ZNF433: variants seen among roughly 807,000 people sequenced by gnomAD.
ZNF433 encodes the protein zinc finger protein 433.
ZNF433 carries 12 observed loss-of-function variants against 10.6 expected under a neutral mutation model. That is an observed-to-expected ratio of 1.13 (90% CI 0.72 to 1.83). The LOEUF is 1.83. Ranked by LOEUF, ZNF433 falls within the 40% of genes most tolerant of loss-of-function variation. The pLI, the probability that ZNF433 is intolerant of heterozygous loss-of-function variation, is 0.00. For missense variants in ZNF433, 737 were observed against 798.0 expected (o/e 0.92, Z 0.92); for synonymous variants, 272 against 271.3 (o/e 1.00, Z -0.02).
chr19:12,018,923 GC>G (rs1231810335), intron 1 of ZNF433, among the ~76,000 whole-genome samples: 1 of 151,314 alleles, frequency 6.6e-6, no homozygotes, highest in African/African-American at 2.4e-5. Context: ...GGTGGTGCGT[GC>G]CTGTAATCCC....
chr19:12,018,003 A>G (rs1005967744), intron 2 of ZNF433, 67 bp from the exon 3 acceptor site: 2 of 1,333,106 alleles, frequency 1.5e-6, no homozygotes, highest in African/African-American at 1.5e-5. Context: ...ACATGATTCT[A>G]TGTTCATGGT....
At chr19:12,032,798 T>C (rs548612040) in intron 1 of ZNF433, among the ~76,000 whole-genome samples, 1 of 152,290 alleles carries the variant, frequency 6.6e-6, no homozygotes, top group African/African-American at 2.4e-5. Flanking sequence ...TTCTGAAATC[T>C]ACCTCTTTCT....
chr19:12,033,049 C>T (rs897507177), intron 1 of ZNF433, among the ~76,000 whole-genome samples: 14 of 151,896 alleles, frequency 9.2e-5, no homozygotes, highest in African/African-American at 3.4e-4. Flanking sequence ...TATTTTCCAA[C>T]AACACTGCAC....
At position 12,016,100 on chromosome 19, in the gene ZNF433, C is replaced by T. The variant is rs752164594; in HGVS notation, c.758G>A (p.Cys253Tyr). Residue 253 changes from cysteine (C) to tyrosine (Y), a missense_variant, in exon 4 of 4, where the codon TGT becomes TAT. By Grantham distance (194) the Cys-to-Tyr change is radical (BLOSUM62 -2). Coordinates refer to ENST00000550507, the MANE Select transcript of ZNF433 (RefSeq NM_001308348.2). Reference sequence around the variant, plus strand: ...ATGGAATGCTTTCCCACATTCATTACATTTATAAGGCTTCTCCCCAGTGTG... The same window carrying T: ...ATGGAATGCTTTCCCACATTCATTATATTTATAAGGCTTCTCCCCAGTGTG... ...RTHTGEKPYK[C>Y]NECGKAFHSS... 1.2e-6 allele frequency: 2 copies of T among 1,614,150 alleles called. No individual in the cohort carries two copies. Among genetic ancestry groups the T allele is most frequent in the South Asian group, 1.1e-5 (1 of 91,074 alleles).
chr19:12,023,387 G>C (rs1974588364), intron 1 of ZNF433: 4 of 152,198 alleles, frequency 2.6e-5, no homozygotes, highest in Non-Finnish European at 4.4e-5. Context: ...AATTGTTATA[G>C]CTACTTCTGT....
Position 12,015,390 on chromosome 19 carries a change from A to G in ZNF433, c.1468T>C (p.Phe490Leu), listed in dbSNP as rs995401997. The G allele has an allele frequency of 2.5e-6, 4 of 1,614,018 alleles. No homozygotes were observed. The African/African-American group carries it at 4.0e-5, about 16-fold the overall frequency. ...YGKTFSLPSL[F>L]HRHERTHTGG... Reference sequence around the variant, plus strand: ...GTGTGAGTCCTTTCATGTCTATGAAATAAACTGGGCAAACTGAATGTTTTC... The same window carrying G: ...GTGTGAGTCCTTTCATGTCTATGAAGTAAACTGGGCAAACTGAATGTTTTC... Residue 490 changes from phenylalanine to leucine, a missense_variant, in exon 4 of 4, where the codon TTT becomes CTT. Coordinates refer to ENST00000550507, the MANE Select transcript of ZNF433 (RefSeq NM_001308348.2).
At chr19:12,018,114 A>G in intron 2 of ZNF433, 52 bp downstream of exon 2, 3 of 1,526,828 alleles carry the variant, frequency 2.0e-6, no homozygotes, top group South Asian at 2.7e-5. Context: ...CTCAGAAAAA[A>G]AAAAAAACTT....
At position 12,014,908 on chromosome 19, in the gene ZNF433, T is replaced by TAAATG; in HGVS notation, c.1949_1950insCATTT (p.Lys650AsnfsTer3). 1 of 1,613,646 alleles carries TAAATG rather than the reference T, an allele frequency of 6.2e-7. No homozygotes were observed. Among genetic ancestry groups the TAAATG allele is most frequent in the Non-Finnish European group, 8.5e-7 (1 of 1,179,728 alleles). On this transcript the variant is annotated frameshift_variant, in exon 4 of 4. Transcript: ENST00000550507. LOFTEE classifies it low-confidence loss of function (END_TRUNC). Reference sequence around the variant, plus strand: ...GAAGTTGTGAAGAACATCTAAAGACTTTACCACATTGGTTACATTTATAGG... The same window carrying TAAATG: ...GAAGTTGTGAAGAACATCTAAAGACTAAATGTTACCACATTGGTTACATTTATAGG...
Position 12,015,550 on chromosome 19 carries a change from T to G in ZNF433, c.1308A>C (p.Thr436=), listed in dbSNP as rs940717511. Residue 436 remains threonine, a synonymous_variant, in exon 4 of 4, where the codon ACA becomes ACC. Transcript: ENST00000550507. ...KAFRSASLLQ[T]HGRTHTGEKP... ...TCTCTCCCGTGTGAGTCCTACCATG[T>G]GTTTGAAGGAGTGAGGCAGATCTGA... 2.5e-6 allele frequency: 4 copies of G among 1,612,090 alleles called. No homozygotes were observed. Among genetic ancestry groups the G allele is most frequent in the Non-Finnish European group, 3.4e-6 (4 of 1,179,458 alleles).
chr19:12,018,662 GA>G (rs113463720), intron 1 of ZNF433: 24,600 of 161,946 alleles, frequency 0.15, 4,553 homozygotes, highest in African/African-American at 0.46. Context: ...GCATATCCTT[GA>G]AAAAAAAATG....
intron 1 of ZNF433, among the ~76,000 whole-genome samples, chr19:12,033,089 C>CTT (rs754399965): frequency 1.8e-4 from 26 of 145,834 alleles, no homozygotes; most frequent in African/African-American, 5.8e-4. Flanking sequence ...AGTGCATTTC[C>CTT]TTTTTTTTTT....
intron 1 of ZNF433, among the ~76,000 whole-genome samples, chr19:12,030,563 T>C (rs1453608881): frequency 6.6e-6 from 1 of 152,284 alleles, no homozygotes; most frequent in East Asian, 1.9e-4. Context: ...GAATTTGATA[T>C]AAAAGCCCAA....
chr19:12,032,017 C>A (rs1221465593), intron 1 of ZNF433, among the ~76,000 whole-genome samples: 1 of 150,970 alleles, frequency 6.6e-6, no homozygotes, highest in Non-Finnish European at 1.5e-5. Flanking sequence ...CGGCTCACCG[C>A]AACCTCTGCC....
intron 1 of ZNF433, chr19:12,028,048 A>C (rs1001529747): frequency 2.0e-5 from 3 of 151,910 alleles, no homozygotes; most frequent in African/African-American, 7.3e-5. Flanking sequence ...GTTTTTTTCA[A>C]TTTTGTTTTT....
chr19:12,029,975 G>A (rs1026941484), intron 1 of ZNF433, among the ~76,000 whole-genome samples: 2 of 150,310 alleles, frequency 1.3e-5, no homozygotes, highest in African/African-American at 2.5e-5. Flanking sequence ...CCAGCTACTC[G>A]GAAGGCTGAG....
chr19:12,025,378 A>G (rs956363808), intron 1 of ZNF433: 10 of 152,250 alleles, frequency 6.6e-5, no homozygotes, highest in African/African-American at 2.2e-4. Context: ...ACTAGGGCTC[A>G]TACACCTCTT....
intron 1 of ZNF433, among the ~76,000 whole-genome samples, chr19:12,031,294 C>CAAAAAA (rs536658747): frequency 1.4e-4 from 5 of 36,490 alleles, no homozygotes; most frequent in Non-Finnish European, 1.7e-4. Flanking sequence ...GACTCCATCT[C>CAAAAAA]AAAAAAAAAA....
chr19:12,015,815 GTAAGA>G lies in ZNF433; in HGVS notation c.1038_1042del (p.Leu347GlnfsTer16), dbSNP rs759876269. The G allele has an allele frequency of 7.1e-5, 114 of 1,614,096 alleles. No individual in the cohort carries two copies. The highest frequency in any genetic ancestry group is 3.3e-4 in the Middle Eastern group (2 of 6,062). Reference sequence around the variant, plus strand: ...CATTCCCAAGTGGTTTTGAAAGCTGGTAAGATAAGATAATACTTTCCCACAATGTT... The same window carrying G: ...CATTCCCAAGTGGTTTTGAAAGCTGGTAAGATAATACTTTCCCACAATGTT... On this transcript the variant is annotated frameshift_variant, in exon 4 of 4. Transcript: ENST00000550507. LOFTEE classifies it low-confidence loss of function (END_TRUNC).
At chr19:12,031,287 T>G (rs1366240219) in intron 1 of ZNF433, among the ~76,000 whole-genome samples, 1 of 101,456 alleles carries the variant, frequency 9.9e-6, no homozygotes, top group Non-Finnish European at 1.8e-5. Context: ...AGAGTGAGAC[T>G]CCATCTCAAA....
Sources: allele counts gnomAD v4.1 joint callset (sites outside exome capture counted in the v4.1 genomes callset), GRCh38; gene constraint gnomAD v4.1.1; transcripts MANE v1.5; gene names NCBI Gene and HGNC (gene_info 2026-07-23, HGNC 2026-07-21).